Variants in NEO1 observed in about 807,000 individuals in gnomAD.
NEO1 encodes the protein neogenin.
Under a neutral mutation model 159.7 loss-of-function variants are expected in NEO1, and 63 were observed. The ratio of observed to expected loss-of-function variants is 0.39; its 90% CI spans 0.32 to 0.49. The LOEUF is 0.49. Ranked by LOEUF, NEO1 falls within the 20% of genes least tolerant of loss-of-function variation. The pLI is 0.85. For missense variants in NEO1, 1,615 were observed against 1,831.0 expected (o/e 0.88, Z 2.15); for synonymous variants, 633 against 662.0 (o/e 0.96, Z 0.67).
chr15:73,212,697 A>T (rs2037649464), intron 7 of NEO1, among the ~76,000 whole-genome samples: 1 of 152,228 alleles, frequency 6.6e-6, no homozygotes, highest in Non-Finnish European at 1.5e-5. Context: ...GATAACATGT[A>T]TAGGAAAGTT....
chr15:73,064,724 C>A (rs1446792170), intron 1 of NEO1, among the ~76,000 whole-genome samples: 2 of 152,160 alleles, frequency 1.3e-5, no homozygotes, highest in Admixed American at 1.3e-4. Context: ...GCCTTGGCCC[C>A]CCAAAGTGCT....
chr15:73,175,065 T>C (rs2151947247), intron 5 of NEO1, among the ~76,000 whole-genome samples: 1 of 152,282 alleles, frequency 6.6e-6, no homozygotes, highest in Non-Finnish European at 1.5e-5. Context: ...CTTCAGGGCC[T>C]GCTCTAGACA....
chr15:73,164,019 A>C lies in NEO1; in HGVS notation c.1016-12384A>C, dbSNP rs796897136. Among the ~76,000 whole-genome samples the C allele has an allele frequency of 1.4e-3, 173 of 123,694 alleles. 1 individual carries two copies. The highest frequency in any genetic ancestry group is 4.4e-3 in the African/African-American group (163 of 36,694). 81.1% of individuals were successfully genotyped at this position (123,694 alleles called of 152,430 possible). On this transcript the variant is annotated intron_variant, in intron 5 of 28. Coordinates refer to ENST00000261908, the MANE Select transcript of NEO1 (RefSeq NM_002499.4). ...TATTTGTATTTTGTTTCTTTTTCTT[A>C]TTTTTTTTTTTTTTCTTATTTTTTT...
intron 18 of NEO1, among the ~76,000 whole-genome samples, chr15:73,271,857 A>G (rs2151039464): frequency 6.8e-6 from 1 of 146,284 alleles, no homozygotes; most frequent in East Asian, 2.1e-4. Flanking sequence ...CAATGAGCAG[A>G]GATTGTGCCA....
chr15:73,055,877 A>G (rs2067669671), intron 1 of NEO1, among the ~76,000 whole-genome samples: 1 of 152,168 alleles, frequency 6.6e-6, no homozygotes, highest in South Asian at 2.1e-4. Flanking sequence ...CATAGCGGAT[A>G]GTTCTTTTTG....
At chr15:73,159,664 C>T (rs2034029499) in intron 5 of NEO1, among the ~76,000 whole-genome samples, 1 of 152,090 alleles carries the variant, frequency 6.6e-6, no homozygotes, top group African/African-American at 2.4e-5. Flanking sequence ...CAGCAGCAGT[C>T]TTGATGGACT....
chr15:73,058,595 G>C (rs545472396), intron 1 of NEO1, among the ~76,000 whole-genome samples: 1 of 152,140 alleles, frequency 6.6e-6, no homozygotes, highest in Admixed American at 6.5e-5. Context: ...GTGTGTATGT[G>C]GGGGTCAGGG....
At chr15:73,296,863 G>A (rs2042392711) in intron 26 of NEO1, among the ~76,000 whole-genome samples, 2 of 152,170 alleles carry the variant, frequency 1.3e-5, no homozygotes, top group African/African-American at 4.8e-5. Context: ...ACTCAGAACG[G>A]TGCAAAATGT....
At chr15:73,156,467 T>C (rs1039413863) in intron 5 of NEO1, among the ~76,000 whole-genome samples, 9 of 152,168 alleles carry the variant, frequency 5.9e-5, no homozygotes, top group Non-Finnish European at 1.2e-4. Context: ...CCTGTTGTAG[T>C]AGAGGTAGAC....
At position 73,258,801 on chromosome 15, in the gene NEO1, G is replaced by A. The variant is rs1210296145; in HGVS notation, c.2128G>A (p.Ala710Thr). The A allele has an allele frequency of 6.2e-6, 10 of 1,613,858 alleles. No individual in the cohort carries two copies. The highest frequency in any genetic ancestry group is 6.8e-6 in the Non-Finnish European group (8 of 1,179,882). The change falls in exon 14 of 29, where the codon GCT (alanine) becomes ACT (threonine). Residue 710 changes from alanine (A) to threonine (T), a missense_variant. By Grantham distance (58) the Ala-to-Thr change is moderately conservative. Coordinates refer to ENST00000261908, the MANE Select transcript of NEO1 (RefSeq NM_002499.4). The stretch of plus-strand genomic sequence containing the variant: ...GGGGACTGAGTATAATTTCCGAGTG[G>A]CTGCTCTAACAATCAATGGTACAGG... Reference protein sequence around the residue: ...DRGTEYNFRVAALTINGTGPA... With the variant: ...DRGTEYNFRVTALTINGTGPA...
At chr15:73,128,769 C>T (rs1282441723) in intron 4 of NEO1, among the ~76,000 whole-genome samples, 3 of 152,146 alleles carry the variant, frequency 2.0e-5, no homozygotes, top group Admixed American at 2.0e-4. Flanking sequence ...GATTCTCAGA[C>T]TGGGGTCTGA....
intron 18 of NEO1, among the ~76,000 whole-genome samples, chr15:73,271,457 T>G (rs2041165028): frequency 6.6e-6 from 1 of 152,200 alleles, no homozygotes; most frequent in Non-Finnish European, 1.5e-5. Flanking sequence ...AGCTATCACA[T>G]GGAAACACAG....
intron 1 of NEO1, among the ~76,000 whole-genome samples, chr15:73,071,838 T>G (rs2068547191): frequency 6.6e-6 from 1 of 152,166 alleles, no homozygotes; most frequent in Non-Finnish European, 1.5e-5. Context: ...AAGAAATGTC[T>G]TTATAACTGA....
intron 7 of NEO1, among the ~76,000 whole-genome samples, chr15:73,213,382 T>C (rs1308978037): frequency 6.6e-6 from 1 of 152,220 alleles, no homozygotes; most frequent in African/African-American, 2.4e-5. Flanking sequence ...CTGAACAGTA[T>C]ACAATGCACC....
intron 1 of NEO1, among the ~76,000 whole-genome samples, chr15:73,104,295 C>G (rs1050049041): frequency 2.0e-5 from 3 of 152,188 alleles, no homozygotes; most frequent in Non-Finnish European, 4.4e-5. Flanking sequence ...ATATACCTTT[C>G]TGGACCTAGT....
chr15:73,063,481 A>G (rs1037087105), intron 1 of NEO1, among the ~76,000 whole-genome samples: 1 of 151,560 alleles, frequency 6.6e-6, no homozygotes, highest in African/African-American at 2.4e-5. Flanking sequence ...TTTTTATTTG[A>G]TGGCTGTGTG....
chr15:73,159,177 A>G (rs2033995255), intron 5 of NEO1, among the ~76,000 whole-genome samples: 1 of 152,254 alleles, frequency 6.6e-6, no homozygotes, highest in Non-Finnish European at 1.5e-5. Context: ...AGAAAGCACA[A>G]TAAACTAGTT....
At position 73,178,235 on chromosome 15, in the gene NEO1, C is replaced by T. The variant is rs1693568102; in HGVS notation, c.1171-72C>T. On this transcript the variant is annotated intron_variant, in intron 6 of 28. Coordinates refer to ENST00000261908, the MANE Select transcript of NEO1 (RefSeq NM_002499.4). ...ACTTGTTTTTTTCCTCTCCAAAAAG[C>T]ATATTTTTGAGATTTTGATCTGGTA... 5 of 1,406,668 alleles carry T rather than the reference C, an allele frequency of 3.6e-6. No homozygotes were observed. The South Asian group carries it at 6.5e-5, about 18-fold the overall frequency. 87.1% of individuals were successfully genotyped at this position (1,406,668 alleles called of 1,614,324 possible).
chr15:73,191,359 A>AC (rs1465686199), intron 7 of NEO1, among the ~76,000 whole-genome samples: 1 of 151,890 alleles, frequency 6.6e-6, no homozygotes, highest in Non-Finnish European at 1.5e-5. Flanking sequence ...ACATAGAAAG[A>AC]CAGAGTATCG....
Sources: gnomAD v4.1 joint callset for allele counts (sites outside exome capture counted in the v4.1 genomes callset) on GRCh38, gnomAD v4.1.1 for gene constraint, MANE v1.5 for transcripts, NCBI Gene and HGNC (gene_info 2026-07-23, HGNC 2026-07-21) for gene names.